Variants in LRCH1 observed in about 807,000 individuals in gnomAD.
LRCH1 encodes the protein leucine rich repeats and calponin homology domain containing 1.
In LRCH1, 23 loss-of-function variants were observed where a neutral mutation model predicts 94.9. That is an observed-to-expected ratio of 0.24 (90% CI 0.17 to 0.34). The LOEUF (loss-of-function observed/expected upper bound fraction) is 0.34. LRCH1 is among the 10% of genes least tolerant of loss of function. The pLI is 1.00. For synonymous variants in LRCH1, 364 were observed against 354.9 expected (o/e 1.03, Z -0.29); for missense variants, 790 against 945.9 (o/e 0.84, Z 2.16).
intron 3 of LRCH1, among the ~76,000 whole-genome samples, chr13:46,671,557 A>T (rs1002729183): frequency 6.6e-6 from 1 of 152,240 alleles, no homozygotes; most frequent in South Asian, 2.1e-4. Flanking sequence ...TGCTGTCCAC[A>T]TAACTCAGAA....
At chr13:46,562,888 G>A (rs1457124416) in intron 1 of LRCH1, among the ~76,000 whole-genome samples, 1 of 152,208 alleles carries the variant, frequency 6.6e-6, no homozygotes, top group East Asian at 1.9e-4. Context: ...AAAATGGTAA[G>A]AGAGCCACAT....
chr13:46,650,677 A>G lies in LRCH1; in HGVS notation c.452+332A>G, dbSNP rs139512851. 1.9e-4 allele frequency among the ~76,000 whole-genome samples: 28 copies of G among 150,032 alleles called. No individual in the cohort carries two copies. The East Asian group carries it at 5.3e-3, about 28-fold the overall frequency. On this transcript the variant is annotated intron_variant, in intron 2 of 19. Coordinates refer to ENST00000389797, the MANE Select transcript of LRCH1 (RefSeq NM_001164211.2). ...TCATGTAGATTTTGGAGGAGGAAGT[A>G]TAAAGGAAGTGAAAAAGAGTTTGGT...
At chr13:46,631,819 G>T (rs1242165724) in intron 1 of LRCH1, among the ~76,000 whole-genome samples, 1 of 152,092 alleles carries the variant, frequency 6.6e-6, no homozygotes, top group Non-Finnish European at 1.5e-5. Flanking sequence ...TTTTAGCTGT[G>T]TTAGAGGTCA....
At chr13:46,670,689 C>G (rs948254674) in intron 3 of LRCH1, among the ~76,000 whole-genome samples, 4 of 129,986 alleles carry the variant, frequency 3.1e-5, no homozygotes, top group African/African-American at 1.1e-4. Flanking sequence ...GTTTCTATTA[C>G]AAGAAGCATG....
intron 1 of LRCH1, among the ~76,000 whole-genome samples, chr13:46,608,335 G>A (rs536920456): frequency 1.3e-5 from 2 of 152,284 alleles, no homozygotes; most frequent in East Asian, 1.9e-4. Flanking sequence ...AGAGACATAC[G>A]CACTGTGTTT....
At chr13:46,666,625 G>A (rs539175222) in intron 2 of LRCH1, among the ~76,000 whole-genome samples, 72 of 152,298 alleles carry the variant, frequency 4.7e-4, no homozygotes, top group African/African-American at 1.4e-3. Flanking sequence ...GGAGGTTTAC[G>A]TATGGCTCCA....
intron 2 of LRCH1, among the ~76,000 whole-genome samples, chr13:46,650,722 C>CAAAAAAAAAAAAAAAA (rs756410319): frequency 1.7e-5 from 1 of 58,244 alleles, no homozygotes; most frequent in Non-Finnish European, 4.0e-5. Context: ...AAACAAGGAG[C>CAAAAAAAAAAAAAAAA]AAAAAAAAAA....
intron 4 of LRCH1, among the ~76,000 whole-genome samples, chr13:46,684,105 A>G (rs904128561): frequency 1.3e-5 from 2 of 152,236 alleles, no homozygotes; most frequent in South Asian, 2.1e-4. Context: ...AACTGCAATA[A>G]GAAGACCATA....
At position 46,556,165 on chromosome 13, in the gene LRCH1, G is replaced by A. The variant is rs117011057; in HGVS notation, c.307+2462G>A. Among the ~76,000 whole-genome samples the A allele has an allele frequency of 1.2e-3, 185 of 150,934 alleles. 4 individuals are homozygous for A. In the East Asian group the frequency reaches 0.03, roughly 24 times the overall value. Reference sequence around the variant, plus strand: ...CATATATTTTCTAAGACAGGGAGTGGTAGAGCAAGCTTTTTCTCACAGTTT... The same window carrying A: ...CATATATTTTCTAAGACAGGGAGTGATAGAGCAAGCTTTTTCTCACAGTTT... On this transcript the variant is annotated intron_variant, in intron 1 of 19. Transcript: ENST00000389797.
intron 1 of LRCH1, among the ~76,000 whole-genome samples, chr13:46,605,737 T>G (rs2050680072): frequency 1.3e-5 from 2 of 152,232 alleles, no homozygotes; most frequent in South Asian, 4.1e-4. Flanking sequence ...GTTTTGACCT[T>G]TGGGTTTTCT....
At chr13:46,732,107 A>G (rs1183691951) in intron 18 of LRCH1, among the ~76,000 whole-genome samples, 2 of 152,234 alleles carry the variant, frequency 1.3e-5, no homozygotes, top group African/African-American at 4.8e-5. Context: ...AAAGCAATAA[A>G]TGCAGTTGTA....
chr13:46,724,034 G>C (rs1391686561), intron 17 of LRCH1, among the ~76,000 whole-genome samples: 1 of 151,826 alleles, frequency 6.6e-6, no homozygotes. Flanking sequence ...TGTCACCCAG[G>C]CTGGAGTGCA....
chr13:46,654,451 G>A (rs1301356464), intron 2 of LRCH1, among the ~76,000 whole-genome samples: 1 of 152,204 alleles, frequency 6.6e-6, no homozygotes, highest in African/African-American at 2.4e-5. Flanking sequence ...CCTTTGGGGA[G>A]AGACTGCCAA....
At chr13:46,717,369 C>T (rs555117922) in intron 16 of LRCH1, 2 of 152,294 alleles carry the variant, frequency 1.3e-5, no homozygotes, top group South Asian at 2.1e-4. Flanking sequence ...CAAGAATTCA[C>T]ATGCAGCTGT....
At chr13:46,692,774 T>A in intron 8 of LRCH1, 133 bp downstream of exon 8, 2 of 639,960 alleles carry the variant, frequency 3.1e-6, no homozygotes, top group East Asian at 5.7e-5. Flanking sequence ...TGTGTTCTTC[T>A]GGGAAGTTGA....
intron 13 of LRCH1, among the ~76,000 whole-genome samples, chr13:46,710,763 AT>A (rs1872021170): frequency 6.6e-6 from 1 of 152,202 alleles, no homozygotes; most frequent in African/African-American, 2.4e-5. Context: ...ATGTACAATA[AT>A]TTGGTGGCAT....
At chr13:46,586,573 A>C (rs1016941534) in intron 1 of LRCH1, among the ~76,000 whole-genome samples, 13 of 152,094 alleles carry the variant, frequency 8.5e-5, no homozygotes, top group Non-Finnish European at 1.5e-4. Flanking sequence ...CACGCCACCA[A>C]CACCCAACTG....
At chr13:46,673,349 C>T (rs2138126050) in intron 3 of LRCH1, among the ~76,000 whole-genome samples, 1 of 152,208 alleles carries the variant, frequency 6.6e-6, no homozygotes, top group African/African-American at 2.4e-5. Context: ...AATAAGTGGT[C>T]ATTATTTAAC....
chr13:46,698,832 G>A (rs551018146), intron 9 of LRCH1, among the ~76,000 whole-genome samples: 147 of 152,286 alleles, frequency 9.7e-4, no homozygotes, highest in African/African-American at 3.2e-3. Context: ...GTACACCTTA[G>A]CCATTTTTTA....
Sources: allele counts gnomAD v4.1 joint callset (sites outside exome capture counted in the v4.1 genomes callset), GRCh38; gene constraint gnomAD v4.1.1; transcripts MANE v1.5; gene names NCBI Gene and HGNC (gene_info 2026-07-23, HGNC 2026-07-21).